THADA: variants seen among roughly 807,000 people sequenced by gnomAD.
The protein encoded by THADA is THADA armadillo repeat containing.
Under a neutral mutation model 219.8 loss-of-function variants are expected in THADA, and 213 were observed. The ratio of observed to expected loss-of-function variants is 0.97; its 90% CI spans 0.87 to 1.09. The LOEUF is 1.09. Ranked by LOEUF, THADA falls within the 50% of genes least tolerant of loss-of-function variation. THADA has a pLI of 0.00. For synonymous variants in THADA, 1,018 were observed against 828.9 expected (o/e 1.23, Z -3.92); for missense variants, 2,956 against 2,311.3 (o/e 1.28, Z -5.72).
At chr2:43,311,701 C>T (rs1677529393) in intron 31 of THADA, among the ~76,000 whole-genome samples, 5 of 152,184 alleles carry the variant, frequency 3.3e-5, no homozygotes, top group African/African-American at 1.2e-4. Context: ...AACAAAATGA[C>T]CAACATGGAT....
intron 14 of THADA, among the ~76,000 whole-genome samples, chr2:43,569,200 G>C (rs893673325): frequency 3.3e-5 from 5 of 152,082 alleles, no homozygotes; most frequent in African/African-American, 1.2e-4. Context: ...TAGTCTTGAA[G>C]TCCTGGACTC....
In THADA at chr2:43,527,880, T is replaced by C; in HGVS notation, c.3373A>G (p.Arg1125Gly). Residue 1125 changes from arginine (R) to glycine (G), a missense_variant and splice_region_variant, in exon 22 of 38, where the codon AGG (arginine) becomes GGG (glycine). Transcript: ENST00000405975. ...GFVKLTEVLNRCPNVSLQKLP... is the reference protein window; with the variant it reads ...GFVKLTEVLNGCPNVSLQKLP... ...TACACAAAAGGATATTTGTTTTACC[T>C]GTTTAGTACTTCAGTGAGTTTCACA... The C allele has an allele frequency of 6.3e-7, 1 of 1,596,520 alleles. No homozygotes were observed. Among genetic ancestry groups the C allele is most frequent in the Non-Finnish European group, 8.6e-7 (1 of 1,165,972 alleles).
In THADA at chr2:43,572,931, C is replaced by T. The variant is rs755095463; in HGVS notation, c.1791G>A (p.Leu597=). Residue 597 remains leucine, a synonymous_variant, in exon 12 of 38, where the codon TTG becomes TTA. Coordinates refer to ENST00000405975, the MANE Select transcript of THADA (RefSeq NM_022065.5). ...SCNSRGALGA[L]MACLRIARAH... ...CTCTAGCTATTCGCAGACATGCCAT[C>T]AAAGCTCCCAGAGCCCCCCTGCTAT... 6.2e-7 allele frequency: 1 copy of T among 1,613,940 alleles called. No individual in the cohort carries two copies. Among genetic ancestry groups the T allele is most frequent in the African/African-American group, 1.3e-5 (1 of 75,036 alleles).
intron 26 of THADA, among the ~76,000 whole-genome samples, chr2:43,433,511 AGAGT>A (rs1039658222): frequency 2.6e-5 from 4 of 152,044 alleles, no homozygotes; most frequent in Non-Finnish European, 5.9e-5. Context: ...CCTGGGCGAC[AGAGT>A]GAGACTCCAT....
At chr2:43,453,589 T>A (rs978916789) in intron 26 of THADA, among the ~76,000 whole-genome samples, 2 of 152,210 alleles carry the variant, frequency 1.3e-5, no homozygotes, top group Non-Finnish European at 2.9e-5. Flanking sequence ...TTTATTAAGT[T>A]AGATATTCCA....
chr2:43,482,226 T>A (rs1239426901), intron 26 of THADA, among the ~76,000 whole-genome samples: 1 of 152,152 alleles, frequency 6.6e-6, no homozygotes, highest in Admixed American at 6.5e-5. Flanking sequence ...AAGTGAAACT[T>A]CTGTTTTCTC....
At chr2:43,385,181 A>C (rs1389742370) in intron 29 of THADA, among the ~76,000 whole-genome samples, 3 of 151,938 alleles carry the variant, frequency 2.0e-5, no homozygotes, top group Non-Finnish European at 4.4e-5. Context: ...CCACAAAAAA[A>C]CAAAAAACAA....
chr2:43,247,512 T>C (rs1360445675), intron 36 of THADA, among the ~76,000 whole-genome samples: 1 of 151,852 alleles, frequency 6.6e-6, no homozygotes, highest in African/African-American at 2.4e-5. Flanking sequence ...GAGGCTGAGG[T>C]GGGGAGATCA....
At chr2:43,298,113 G>T (rs1395417480) in intron 31 of THADA, among the ~76,000 whole-genome samples, 1 of 93,304 alleles carries the variant, frequency 1.1e-5, no homozygotes, top group East Asian at 2.4e-4. Context: ...ACAGCTCATT[G>T]AGAACGGGCC....
At chr2:43,471,619 C>T (rs1684914284) in intron 26 of THADA, among the ~76,000 whole-genome samples, 1 of 152,168 alleles carries the variant, frequency 6.6e-6, no homozygotes, top group Admixed American at 6.5e-5. Flanking sequence ...AAACAGCAAA[C>T]ACAACTCCAA....
chr2:43,384,977 C>T (rs1672467121), intron 29 of THADA, among the ~76,000 whole-genome samples: 1 of 151,938 alleles, frequency 6.6e-6, no homozygotes, highest in African/African-American at 2.4e-5. Flanking sequence ...ACCATCTCTA[C>T]TAAAAATACA....
chr2:43,459,086 C>A (rs1360100627), intron 26 of THADA, among the ~76,000 whole-genome samples: 9 of 152,136 alleles, frequency 5.9e-5, no homozygotes, highest in African/African-American at 1.9e-4. Context: ...GCCACATCAG[C>A]CAAAATGATC....
chr2:43,344,171 G>A lies in THADA; in HGVS notation c.4294C>T (p.Leu1432=). Residue 1432 remains leucine, a synonymous_variant, in exon 30 of 38, where the codon CTG becomes TTG. Transcript: ENST00000405975. ...HGTNSDFQHE[L]TDITVCTKAK... ...TTGGTACAAACAGTGATGTCAGTCAGCTCGTGCTGGAAGTCTGAATTCGTT... is the reference window on the plus strand; with the variant it reads ...TTGGTACAAACAGTGATGTCAGTCAACTCGTGCTGGAAGTCTGAATTCGTT... 1 of 1,612,650 alleles carries A rather than the reference G, an allele frequency of 6.2e-7. No individual in the cohort carries two copies. The highest frequency in any genetic ancestry group is 8.5e-7 in the Non-Finnish European group (1 of 1,179,426).
intron 26 of THADA, among the ~76,000 whole-genome samples, chr2:43,454,866 G>T (rs894903369): frequency 2.0e-5 from 3 of 151,988 alleles, no homozygotes; most frequent in Non-Finnish European, 2.9e-5. Flanking sequence ...AATTTTGAAG[G>T]CAATGCTCCA....
intron 29 of THADA, among the ~76,000 whole-genome samples, chr2:43,396,895 G>GT (rs1345318697): frequency 6.6e-6 from 1 of 152,010 alleles, no homozygotes; most frequent in Non-Finnish European, 1.5e-5. Flanking sequence ...GAAATAATTA[G>GT]TTTTCATTAT....
rs1688601351 is a variant in THADA at position 43,498,924 on chromosome 2, A to T, written c.3653T>A (p.Phe1218Tyr). 1.2e-5 allele frequency: 19 copies of T among 1,586,318 alleles called. No individual in the cohort carries two copies. The East Asian group carries it at 4.3e-4, about 36-fold the overall frequency. ...VHALNILRALFRDTRLGENII... is the reference protein window; with the variant it reads ...VHALNILRALYRDTRLGENII... ...ATTTTCTCCCAGGCGCGTATCTCTG[A>T]ACAATGCTCTAAGGATATTTAAAGC... is the stretch of plus-strand genomic sequence containing the variant. The change falls in exon 25 of 38, where the codon TTC (phenylalanine) becomes TAC (tyrosine). Residue 1218 changes from phenylalanine to tyrosine, a missense_variant. Coordinates refer to ENST00000405975, the MANE Select transcript of THADA (RefSeq NM_022065.5).
At chr2:43,452,210 T>C (rs1682434574) in intron 26 of THADA, among the ~76,000 whole-genome samples, 1 of 152,212 alleles carries the variant, frequency 6.6e-6, no homozygotes, top group East Asian at 1.9e-4. Flanking sequence ...AAATAATTTT[T>C]TTTTGTTTCT....
intron 36 of THADA, among the ~76,000 whole-genome samples, chr2:43,252,875 T>G (rs575607283): frequency 3.9e-4 from 60 of 152,356 alleles, no homozygotes; most frequent in African/African-American, 1.4e-3. Context: ...TAATCTCAGC[T>G]GGAATCTCCA....
At chr2:43,245,172 CTT>C (rs200036949) in intron 36 of THADA, among the ~76,000 whole-genome samples, 1,375 of 103,084 alleles carry the variant, frequency 0.013, 44 homozygotes, top group African/African-American at 0.061. Flanking sequence ...CTTTCTTCTT[CTT>C]TTTTTTTTTT....
Sources: gnomAD v4.1 joint callset for allele counts (sites outside exome capture counted in the v4.1 genomes callset) on GRCh38, gnomAD v4.1.1 for gene constraint, MANE v1.5 for transcripts, NCBI Gene and HGNC (gene_info 2026-07-23, HGNC 2026-07-21) for gene names.